The following RIPOR3 variants were observed in gnomAD, a reference collection of about 807,000 sequenced individuals.
RIPOR3 encodes the protein RIPOR family member 3, also known as family with sequence similarity 65 member C.
A neutral mutation model predicts 114.3 loss-of-function variants in RIPOR3; 95 were observed. The ratio of observed to expected loss-of-function variants is 0.83; its 90% confidence interval spans 0.70 to 0.99. RIPOR3 has a LOEUF of 0.99. RIPOR3 is among the 50% of genes least tolerant of loss of function. The pLI, the probability that RIPOR3 is intolerant of heterozygous loss-of-function variation, is 0.00. For synonymous variants in RIPOR3, 575 were observed against 543.8 expected, an observed-to-expected ratio of 1.06 and a Z score of -0.80; for missense variants, 1,252 against 1,266.9, an observed-to-expected ratio of 0.99 and a Z score of 0.18.
chr20:50,592,609 A>G, intron 18 of RIPOR3, 63 bp from the exon 19 acceptor site: 3 of 1,366,996 alleles, frequency 2.2e-6, no homozygotes, highest in East Asian at 2.7e-5. Flanking sequence ...GACAGCTGCA[A>G]GTTTGCTTGG....
At chr20:50,590,725 C>G (rs1376024392) in intron 19 of RIPOR3, among the ~76,000 whole-genome samples, 4 of 152,226 alleles carry the variant, frequency 2.6e-5, no homozygotes, top group Admixed American at 6.5e-5. Flanking sequence ...TCCTCAGCAC[C>G]CTCATCTGAG....
chr20:50,616,438 G>T (rs534706946), intron 3 of RIPOR3, among the ~76,000 whole-genome samples: 4 of 152,148 alleles, frequency 2.6e-5, no homozygotes, highest in Non-Finnish European at 4.4e-5. Flanking sequence ...TACTTCCTGG[G>T]TTCAAATGAT....
At chr20:50,607,012 G>A (rs982723640) in intron 11 of RIPOR3, among the ~76,000 whole-genome samples, 1 of 152,182 alleles carries the variant, frequency 6.6e-6, no homozygotes, top group Non-Finnish European at 1.5e-5. Context: ...TTATAGGTGT[G>A]AGCCACCGCG....
rs769438274 is a variant in RIPOR3 at position 50,592,405 on chromosome 20, A to G, written c.2516T>C (p.Val839Ala). 1.2e-6 allele frequency: 2 copies of G among 1,610,094 alleles called. No homozygotes were observed. The highest frequency in any genetic ancestry group is 1.7e-6 in the Non-Finnish European group (2 of 1,177,596). Residue 839 changes from valine (V) to alanine (A), a missense_variant, in exon 19 of 22, where the codon GTG becomes GCG. Transcript: ENST00000327979. ...CAGGCGAGCGCTGGCCGCCCTGCAC[A>G]CCCTCGGAGTGCCGTCCAGCTGGAG... is the stretch of plus-strand genomic sequence containing the variant. ...ALLQLDGTPRVCRAASARLAG... is the reference protein window; with the variant it reads ...ALLQLDGTPRACRAASARLAG...
chr20:50,646,167 G>A (rs533246222), intron 1 of RIPOR3, among the ~76,000 whole-genome samples: 9 of 151,884 alleles, frequency 5.9e-5, no homozygotes, highest in East Asian at 1.9e-4. Flanking sequence ...TCACTATGTC[G>A]CCCAGGCTGG....
intron 1 of RIPOR3, among the ~76,000 whole-genome samples, chr20:50,666,301 C>A (rs907927059): frequency 7.4e-5 from 11 of 148,166 alleles, no homozygotes; most frequent in African/African-American, 2.7e-4. Context: ...CTCGGCTCAC[C>A]GCAATCTCCG....
chr20:50,626,061 G>T (rs886151901), intron 2 of RIPOR3, among the ~76,000 whole-genome samples: 1 of 152,240 alleles, frequency 6.6e-6, no homozygotes, highest in Non-Finnish European at 1.5e-5. Context: ...CTGCCAGGTT[G>T]TTTGCCTTGA....
chr20:50,644,844 A>ATT (rs34862675), intron 1 of RIPOR3, among the ~76,000 whole-genome samples: 5,377 of 136,516 alleles, frequency 0.039, 379 homozygotes, highest in African/African-American at 0.13. Flanking sequence ...TTTATTTTTT[A>ATT]TTTTTTTTTT....
intron 2 of RIPOR3, among the ~76,000 whole-genome samples, chr20:50,627,078 A>G (rs1369017403): frequency 6.6e-6 from 1 of 151,774 alleles, no homozygotes; most frequent in African/African-American, 2.4e-5. Flanking sequence ...GCTACTCAGG[A>G]GGCTGAGGCA....
chr20:50,687,496 G>T (rs545857314), intron 1 of RIPOR3, among the ~76,000 whole-genome samples: 1 of 152,356 alleles, frequency 6.6e-6, no homozygotes, highest in East Asian at 1.9e-4. Flanking sequence ...TGCTGGCAAA[G>T]GTTTAGCAAC....
chr20:50,633,012 C>G (rs965964401), intron 1 of RIPOR3, among the ~76,000 whole-genome samples: 1 of 152,226 alleles, frequency 6.6e-6, no homozygotes, highest in African/African-American at 2.4e-5. Flanking sequence ...ACCTGTAATC[C>G]TAGCACTTTG....
At chr20:50,654,422 GTTT>G (rs34825514) in intron 1 of RIPOR3, among the ~76,000 whole-genome samples, 28 of 56,112 alleles carry the variant, frequency 5.0e-4, no homozygotes, top group African/African-American at 1.6e-3. Context: ...AGGAGGCAGA[GTTT>G]TTTTTTTTTT....
chr20:50,659,076 A>G (rs2085908948), intron 1 of RIPOR3, among the ~76,000 whole-genome samples: 1 of 152,168 alleles, frequency 6.6e-6, no homozygotes, highest in Non-Finnish European at 1.5e-5. Flanking sequence ...GTTCTTCCAG[A>G]CCGATTAGTG....
intron 19 of RIPOR3, chr20:50,590,054 A>G (rs2083061203): frequency 3.0e-6 from 1 of 333,220 alleles, no homozygotes; most frequent in Admixed American, 3.8e-5. Flanking sequence ...ACTGCTGTCT[A>G]TAAAATGCTG....
intron 1 of RIPOR3, 83 bp from the exon 2 acceptor site, chr20:50,630,939 C>A: frequency 1.9e-6 from 2 of 1,056,102 alleles, no homozygotes; most frequent in Non-Finnish European, 2.8e-6. Flanking sequence ...CCACCAACAC[C>A]TACAGACCTC....
At chr20:50,588,026 C>T (rs2082978884) in intron 20 of RIPOR3, 134 bp from the exon 21 acceptor site, 1 of 810,026 alleles carries the variant, frequency 1.2e-6, no homozygotes, top group African/African-American at 1.7e-5. Flanking sequence ...TCCAGGCTTC[C>T]AGGTTTTTTA....
chr20:50,652,035 C>G (rs1383789952), intron 1 of RIPOR3, among the ~76,000 whole-genome samples: 2 of 152,256 alleles, frequency 1.3e-5, no homozygotes, highest in African/African-American at 4.8e-5. Context: ...CTGAGTGGAG[C>G]TCCCTCCTCA....
At chr20:50,598,149 C>A (rs2083364889) in intron 13 of RIPOR3, among the ~76,000 whole-genome samples, 1 of 152,186 alleles carries the variant, frequency 6.6e-6, no homozygotes, top group Admixed American at 6.5e-5. Flanking sequence ...TTTGAAATAC[C>A]AACAACAAAT....
intron 2 of RIPOR3, among the ~76,000 whole-genome samples, chr20:50,621,424 C>A (rs1181064613): frequency 6.6e-6 from 1 of 152,162 alleles, no homozygotes; most frequent in Admixed American, 6.5e-5. Flanking sequence ...GACTAATCAA[C>A]ATGCACACAC....
Sources: allele counts gnomAD v4.1 joint callset (sites outside exome capture counted in the v4.1 genomes callset), GRCh38; gene constraint gnomAD v4.1.1; transcripts MANE v1.5; gene names NCBI Gene and HGNC (gene_info 2026-07-23, HGNC 2026-07-21).